Variants in CNTNAP2 observed in about 807,000 individuals in gnomAD.
CNTNAP2 encodes the protein contactin-associated protein-like 2.
In CNTNAP2, 98 loss-of-function variants were observed where a neutral mutation model predicts 155.2. The observed-to-expected ratio is 0.63, with a 90% confidence interval of 0.54 to 0.75. The LOEUF (loss-of-function observed/expected upper bound fraction) is 0.75, where lower values mean the gene tolerates loss of function less well. CNTNAP2 is among the 30% of genes least tolerant of loss of function. The pLI, the probability that CNTNAP2 is intolerant of heterozygous loss-of-function variation, is 0.00. For synonymous variants in CNTNAP2, 651 were observed against 631.2 expected (o/e 1.03, Z -0.47); for missense variants, 1,727 against 1,688.1 (o/e 1.02, Z -0.40).
intron 1 of CNTNAP2, among the ~76,000 whole-genome samples, chr7:146,307,149 A>G (rs985148238): frequency 2.0e-5 from 3 of 152,180 alleles, no homozygotes; most frequent in Non-Finnish European, 2.9e-5. Flanking sequence ...TACAAAATCA[A>G]TGTGCAAAAA....
rs144192534 is a variant in CNTNAP2 at position 147,781,697 on chromosome 7, C to T, written c.2099-121868C>T. On this transcript the variant is annotated intron_variant, in intron 13 of 23. Transcript: ENST00000361727. ...GGAAAACAAGACTCCTAAAAGCTTA[C>T]TAGTCAAGGAAGCCTTTCATGCACC... is the stretch of plus-strand genomic sequence containing the variant. 4.6e-5 allele frequency among the ~76,000 whole-genome samples: 7 copies of T among 152,304 alleles called. No homozygotes were observed. In the East Asian group the frequency reaches 1.4e-3, roughly 29 times the overall value.
At position 147,688,062 on chromosome 7, in the gene CNTNAP2, A is replaced by T. The variant is rs191849386; in HGVS notation, c.2098+48756A>T. ...CTTCATTGATGGATGAATGTACTCA[A>T]TCATGATGCGGAAGAGGGCTACATG... On this transcript the variant is annotated intron_variant, in intron 13 of 23. Coordinates refer to ENST00000361727, the MANE Select transcript of CNTNAP2 (RefSeq NM_014141.6). Among the ~76,000 whole-genome samples the T allele has an allele frequency of 3.9e-5, 6 of 152,266 alleles. No homozygotes were observed. The East Asian group carries it at 1.2e-3, about 30-fold the overall frequency.
At position 146,410,698 on chromosome 7, in the gene CNTNAP2, C is replaced by T. The variant is rs374350353; in HGVS notation, c.97+293725C>T. ...AGTGTGTGTTGGACCCTTCTATGTG[C>T]CCATGTATTCTCATAAGATACTAAT... On this transcript the variant is annotated intron_variant, in intron 1 of 23. Coordinates refer to ENST00000361727, the MANE Select transcript of CNTNAP2 (RefSeq NM_014141.6). Among the ~76,000 whole-genome samples the T allele has an allele frequency of 4.6e-4, 70 of 152,204 alleles. No homozygotes were observed. The South Asian group carries it at 0.013, about 29-fold the overall frequency.
chr7:147,568,020 A>G (rs778040523), intron 12 of CNTNAP2, among the ~76,000 whole-genome samples: 6 of 152,208 alleles, frequency 3.9e-5, no homozygotes, highest in Non-Finnish European at 8.8e-5. Flanking sequence ...CGGGGGGCAG[A>G]GGTTCCAGTG....
rs373186231 is a variant in CNTNAP2 at position 147,060,575 on chromosome 7, T to A, written c.550+16521T>A. ...GTCTCTACTAAAAGTACAAAAAAAA[T>A]ATCTGGGGCCGGGCGCGGTGGCTCA... On this transcript the variant is annotated intron_variant, in intron 4 of 23. Transcript: ENST00000361727. Among the ~76,000 whole-genome samples, 65 of 151,656 alleles carry A rather than the reference T, an allele frequency of 4.3e-4. 1 individual carries two copies. The highest frequency in any genetic ancestry group is 6.8e-3 in the Middle Eastern group (2 of 294).
chr7:146,854,999 T>C (rs982639368), intron 3 of CNTNAP2, among the ~76,000 whole-genome samples: 2 of 152,138 alleles, frequency 1.3e-5, no homozygotes, highest in Non-Finnish European at 2.9e-5. Context: ...CTATAATATC[T>C]ACCAATTAAA....
chr7:148,398,276 G>T (rs1799511999), intron 22 of CNTNAP2, among the ~76,000 whole-genome samples: 1 of 152,124 alleles, frequency 6.6e-6, no homozygotes, highest in Non-Finnish European at 1.5e-5. Flanking sequence ...AGAATAAAAA[G>T]GATCAACCTC....
At chr7:147,547,630 A>AAAACACACAC (rs60231636) in intron 11 of CNTNAP2, among the ~76,000 whole-genome samples, 1 of 115,970 alleles carries the variant, frequency 8.6e-6, no homozygotes, top group Non-Finnish European at 1.8e-5. Context: ...ATTTCTTCTA[A>AAAACACACAC]ACACACACAC....
chr7:147,836,901 G>A (rs535687663), intron 13 of CNTNAP2, among the ~76,000 whole-genome samples: 1 of 152,124 alleles, frequency 6.6e-6, no homozygotes, highest in Non-Finnish European at 1.5e-5. Context: ...ACTTATTTTA[G>A]TAATGTCTTA....
At chr7:146,409,113 G>A (rs1326492531) in intron 1 of CNTNAP2, among the ~76,000 whole-genome samples, 1 of 152,114 alleles carries the variant, frequency 6.6e-6, no homozygotes, top group Non-Finnish European at 1.5e-5. Flanking sequence ...AATAAATTAT[G>A]TTGTGCATCA....
chr7:148,353,871 T>G (rs1248833133), intron 21 of CNTNAP2, among the ~76,000 whole-genome samples: 2 of 152,244 alleles, frequency 1.3e-5, no homozygotes, highest in African/African-American at 4.8e-5. Flanking sequence ...AAACCAAAAA[T>G]TCCAATTTTA....
chr7:146,318,593 G>C (rs1180982421), intron 1 of CNTNAP2, among the ~76,000 whole-genome samples: 1 of 152,034 alleles, frequency 6.6e-6, no homozygotes, highest in Non-Finnish European at 1.5e-5. Flanking sequence ...CAAACACTCT[G>C]TGTTTGGAAA....
chr7:148,322,088 T>C (rs929659787), intron 21 of CNTNAP2, among the ~76,000 whole-genome samples: 13 of 151,372 alleles, frequency 8.6e-5, no homozygotes, highest in Non-Finnish European at 1.9e-4. Context: ...GTCTGGCTAA[T>C]TTTTTGTATT....
chr7:147,154,289 T>A (rs556972756), intron 8 of CNTNAP2, among the ~76,000 whole-genome samples: 1 of 152,074 alleles, frequency 6.6e-6, no homozygotes. Context: ...ATGTGAGACG[T>A]TGGGCATAAA....
chr7:147,144,132 C>G (rs994248422), intron 8 of CNTNAP2, among the ~76,000 whole-genome samples: 10 of 152,094 alleles, frequency 6.6e-5, no homozygotes, highest in African/African-American at 2.2e-4. Context: ...TTGTGGGAGT[C>G]TAGTCTGACT....
At chr7:146,905,941 G>C (rs557885100) in intron 3 of CNTNAP2, among the ~76,000 whole-genome samples, 1 of 152,172 alleles carries the variant, frequency 6.6e-6, no homozygotes, top group Non-Finnish European at 1.5e-5. Context: ...GTGGGTGCAC[G>C]CACCACACCG....
At chr7:148,041,493 A>G (rs1453138189) in intron 15 of CNTNAP2, among the ~76,000 whole-genome samples, 1 of 152,234 alleles carries the variant, frequency 6.6e-6, no homozygotes, top group Non-Finnish European at 1.5e-5. Flanking sequence ...TGGCATTTCA[A>G]CCCTAGATTA....
At chr7:147,717,936 T>G (rs1039972329) in intron 13 of CNTNAP2, among the ~76,000 whole-genome samples, 4 of 143,682 alleles carry the variant, frequency 2.8e-5, no homozygotes, top group East Asian at 2.0e-4. Context: ...ATTTCCTCTG[T>G]TTTTTTTTTC....
chr7:147,556,240 A>G (rs1799950129), intron 11 of CNTNAP2, among the ~76,000 whole-genome samples: 1 of 149,688 alleles, frequency 6.7e-6, no homozygotes, highest in Non-Finnish European at 1.5e-5. Flanking sequence ...CACTGGAAGC[A>G]CATTAGTTGC....
Sources: gnomAD v4.1 joint callset for allele counts (sites outside exome capture counted in the v4.1 genomes callset) on GRCh38, gnomAD v4.1.1 for gene constraint, MANE v1.5 for transcripts, NCBI Gene and HGNC (gene_info 2026-07-23, HGNC 2026-07-21) for gene names.